CYB561D1: variants seen among roughly 807,000 people sequenced by gnomAD.
The protein encoded by CYB561D1 is probable transmembrane reductase CYB561D1.
In CYB561D1, 15 loss-of-function variants were observed where a neutral mutation model predicts 19.2. The ratio of observed to expected loss-of-function variants is 0.78; its 90% confidence interval spans 0.52 to 1.20. The LOEUF is 1.20. Among genes scored for constraint, CYB561D1 ranks in the 50% most tolerant of loss-of-function variants. The probability of loss-of-function intolerance (pLI) is 0.00; values close to 1 mark genes in which losing one functional copy is unlikely to be tolerated. For synonymous variants in CYB561D1, 133 were observed against 120.6 expected, an observed-to-expected ratio of 1.10 and a Z score of -0.68; for missense variants, 297 against 287.3, an observed-to-expected ratio of 1.03 and a Z score of -0.24.
rs1657520173 is a variant in CYB561D1 at position 109,495,920 on chromosome 1, C to T, written c.351C>T (p.Arg117=). 1 of 1,613,950 alleles carries T rather than the reference C, an allele frequency of 6.2e-7. No homozygotes were observed. ...GCTTCATCATCTCCAGCAGGACCCG[C>T]AGTGAGCTGCCTCATCTGGTGTCCT... ...GLGFIISSRT[R]SELPHLVSWH... is the part of the protein sequence containing the mutation. Residue 117 remains arginine, a synonymous_variant, in exon 3 of 3, where the codon CGC becomes CGT. Coordinates refer to ENST00000420578, the MANE Select transcript of CYB561D1 (RefSeq NM_182580.3).
Position 109,495,753 on chromosome 1 carries a change from C to T in CYB561D1, c.187-3C>T. On this transcript the variant is annotated splice_polypyrimidine_tract_variant and splice_region_variant and intron_variant, in intron 2 of 2. Coordinates refer to ENST00000420578, the MANE Select transcript of CYB561D1 (RefSeq NM_182580.3). ...GCTTACTGGCTCTCTCCTATGTTCA[C>T]AGTTCTGCCTCTGCATGGCTGAAGC... is the stretch of plus-strand genomic sequence containing the variant. 6.2e-7 allele frequency: 1 copy of T among 1,614,200 alleles called. No individual in the cohort carries two copies. Among genetic ancestry groups the T allele is most frequent in the Non-Finnish European group, 8.5e-7 (1 of 1,180,034 alleles).
rs148710208 is a variant in CYB561D1, at chr1:109,495,801, C to A, written c.232C>A (p.His78Asn). 6.2e-7 allele frequency: 1 copy of A among 1,614,042 alleles called. No individual in the cohort carries two copies. Among genetic ancestry groups the A allele is most frequent in the African/African-American group, 1.3e-5 (1 of 74,946 alleles). The change falls in exon 3 of 3, where the codon CAC (histidine) becomes AAC (asparagine). Residue 78 changes from histidine (H) to asparagine (N), a missense_variant. Transcript: ENST00000420578. Reference protein sequence around the residue: ...AEAILLFSPEHSLFFFCSRKA... With the variant: ...AEAILLFSPENSLFFFCSRKA... ...AGCCATCCTACTCTTCTCACCTGAA[C>A]ACTCCCTGTTCTTCTTCTGCTCCCG...
At position 109,496,426 on chromosome 1, in the gene CYB561D1, T is replaced by G. The variant is rs1239451155; in HGVS notation, c.*167T>G. Reference sequence around the variant, plus strand: ...TATTGTTGAGGAATAATTCAGTGGGTCAAAATGGGGAGATGTACTGGGTAT... The same window carrying G: ...TATTGTTGAGGAATAATTCAGTGGGGCAAAATGGGGAGATGTACTGGGTAT... On this transcript the variant is annotated 3_prime_UTR_variant, in exon 3 of 3. Coordinates refer to ENST00000420578, the MANE Select transcript of CYB561D1 (RefSeq NM_182580.3). The G allele has an allele frequency of 1.1e-5, 8 of 708,242 alleles. No individual in the cohort carries two copies. The highest frequency in any genetic ancestry group is 1.8e-5 in the Non-Finnish European group (8 of 455,164). 43.9% of individuals were successfully genotyped at this position (708,242 alleles called of 1,614,324 possible). A position where few individuals can be genotyped will look rare whatever the true frequency, so the allele number is the denominator to read the frequency against.
intron 1 of CYB561D1, 26 bp from the exon 2 acceptor site, chr1:109,495,117 C>T: frequency 6.2e-7 from 1 of 1,614,126 alleles, no homozygotes; most frequent in Non-Finnish European, 8.5e-7. Context: ...GTACCAAGCC[C>T]TCAGCCTGTT....
At position 109,498,831 on chromosome 1, in the gene CYB561D1, T is replaced by C. The variant is rs1657724194; in HGVS notation, c.*2572T>C. The C allele has an allele frequency of 6.9e-6, 1 of 144,612 alleles. No individual in the cohort carries two copies. Among genetic ancestry groups the C allele is most frequent in the Admixed American group, 6.9e-5 (1 of 14,566 alleles). 9.0% of individuals were successfully genotyped at this position (144,612 alleles called of 1,614,324 possible). ...CTCCCTGGCTAGGGAAAGCTGCTAG[T>C]GGTCAGCCTGTTTTGCCTTTTTTTA... On this transcript the variant is annotated 3_prime_UTR_variant, in exon 3 of 3. Coordinates refer to ENST00000420578, the MANE Select transcript of CYB561D1 (RefSeq NM_182580.3).
In CYB561D1 at chr1:109,496,365, C is replaced by G; in HGVS notation, c.*106C>G. The G allele has an allele frequency of 1.5e-6, 2 of 1,347,352 alleles. No individual in the cohort carries two copies. Among genetic ancestry groups the G allele is most frequent in the Non-Finnish European group, 2.0e-6 (2 of 995,796 alleles). 83.5% of individuals were successfully genotyped at this position (1,347,352 alleles called of 1,614,324 possible). On this transcript the variant is annotated 3_prime_UTR_variant, in exon 3 of 3. Transcript: ENST00000420578. ...AAGAAGTGGTCAGGTTTTCGCACTT[C>G]TTGGCTGGTCCAGGGACTGCAGAAA...
intron 1 of CYB561D1, 54 bp from the exon 2 acceptor site, chr1:109,495,089 A>G (rs1415211599): frequency 1.9e-6 from 3 of 1,599,090 alleles, no homozygotes. Context: ...CCACCTAGCT[A>G]CAGGGGCAGG....
At position 109,497,664 on chromosome 1, in the gene CYB561D1, A is replaced by G. The variant is rs979158816; in HGVS notation, c.*1405A>G. On this transcript the variant is annotated 3_prime_UTR_variant, in exon 3 of 3. Transcript: ENST00000420578. Reference sequence around the variant, plus strand: ...CTGCTGAGGCAAGTCGACATAGCTCACAGGGAACTCTGGGAAGCCTGGGAT... The same window carrying G: ...CTGCTGAGGCAAGTCGACATAGCTCGCAGGGAACTCTGGGAAGCCTGGGAT... 2.6e-5 allele frequency: 4 copies of G among 152,308 alleles called. No homozygotes were observed. The highest frequency in any genetic ancestry group is 9.7e-5 in the African/African-American group (4 of 41,450). 9.4% of individuals were successfully genotyped at this position (152,308 alleles called of 1,614,324 possible).
In CYB561D1 at chr1:109,496,257, T is replaced by G; in HGVS notation, c.688T>G (p.Ter230GlyextTer23). The change falls in exon 3 of 3, where the codon TGA (stop) becomes GGA (glycine). Residue 230 changes from the stop codon to glycine (G), a stop_lost. Transcript: ENST00000420578. ...SYLPRKKMEM[*>G] ...CTTGCCGAGGAAGAAAATGGAAATGTGAGTTCCTGCGAACGCTGAATCTAG... is the reference window on the plus strand; with the variant it reads ...CTTGCCGAGGAAGAAAATGGAAATGGGAGTTCCTGCGAACGCTGAATCTAG... 6.4e-7 allele frequency: 1 copy of G among 1,570,070 alleles called. No homozygotes were observed.
Position 109,495,768 on chromosome 1 carries a change from A to G in CYB561D1, c.199A>G (p.Met67Val), listed in dbSNP as rs1254630003. 6.2e-7 allele frequency: 1 copy of G among 1,614,096 alleles called. No homozygotes were observed. Among genetic ancestry groups the G allele is most frequent in the Admixed American group, 1.7e-5 (1 of 60,010 alleles). The change falls in exon 3 of 3, where the codon ATG becomes GTG. Residue 67 changes from methionine to valine, a missense_variant. By Grantham distance (21) the Met-to-Val change is conservative. Coordinates refer to ENST00000420578, the MANE Select transcript of CYB561D1 (RefSeq NM_182580.3). ...CCTATGTTCACAGTTCTGCCTCTGC[A>G]TGGCTGAAGCCATCCTACTCTTCTC... ...VFMALAFCLC[M>V]AEAILLFSPE... is the part of the protein sequence containing the mutation.
Position 109,496,024 on chromosome 1 carries a change from G to A in CYB561D1, c.455G>A (p.Arg152Gln), listed in dbSNP as rs149684652. ...TGTGGGCTCTGCCTCCTTTGTCCCC[G>A]GGCAGCCAGGGTCTCAAGGGTGGCT... Reference protein sequence around the residue: ...ALCGLCLLCPRAARVSRVARL... With the variant: ...ALCGLCLLCPQAARVSRVARL... The change falls in exon 3 of 3, where the codon CGG (arginine) becomes CAG (glutamine). Residue 152 changes from arginine (R) to glutamine (Q), a missense_variant. Coordinates refer to ENST00000420578, the MANE Select transcript of CYB561D1 (RefSeq NM_182580.3). 1.9e-5 allele frequency: 30 copies of A among 1,608,964 alleles called. No individual in the cohort carries two copies. Among genetic ancestry groups the A allele is most frequent in the Middle Eastern group, 1.7e-4 (1 of 6,048 alleles).
intron 1 of CYB561D1, among the ~76,000 whole-genome samples, chr1:109,494,836 C>CAAA (rs540062421): frequency 2.9e-5 from 4 of 136,048 alleles, no homozygotes; most frequent in African/African-American, 8.4e-5. Flanking sequence ...GACTCCGTAT[C>CAAA]AAAAAAAAAA....
At position 109,494,128 on chromosome 1, in the gene CYB561D1, C is replaced by T; in HGVS notation, c.-12C>T. The T allele has an allele frequency of 6.7e-7, 1 of 1,494,358 alleles. No individual in the cohort carries two copies. Among genetic ancestry groups the T allele is most frequent in the Non-Finnish European group, 9.0e-7 (1 of 1,116,794 alleles). The allele number at this position is 1,494,358 out of a possible 1,614,324, so 92.6% of individuals were successfully genotyped here. Reference sequence around the variant, plus strand: ...CGGGCAGCTGGAGTGTACGGGCCCGCGGGCCACGGCCATGCAGCCCCTGGA... The same window carrying T: ...CGGGCAGCTGGAGTGTACGGGCCCGTGGGCCACGGCCATGCAGCCCCTGGA... On this transcript the variant is annotated 5_prime_UTR_variant, in exon 1 of 3. Coordinates refer to ENST00000420578, the MANE Select transcript of CYB561D1 (RefSeq NM_182580.3).
Position 109,495,981 on chromosome 1 carries a change from A to G in CYB561D1, c.412A>G (p.Thr138Ala). The change falls in exon 3 of 3, where the codon ACT becomes GCT. Residue 138 changes from threonine to alanine, a missense_variant. Transcript: ENST00000420578. ...SWVGALTLLA[T>A]AVQALCGLCL... ...GGTGGGAGCCCTGACACTGCTGGCC[A>G]CTGCTGTCCAGGCACTGTGTGGGCT... The G allele has an allele frequency of 1.2e-6, 2 of 1,611,092 alleles. No individual in the cohort carries two copies. Among genetic ancestry groups the G allele is most frequent in the South Asian group, 2.2e-5 (2 of 90,864 alleles).
At position 109,497,953 on chromosome 1, in the gene CYB561D1, G is replaced by T. The variant is rs1000924584; in HGVS notation, c.*1694G>T. ...AAAGGAGGCCCCTGCTGTGCAGAGG[G>T]GTATTGTTCCTGTCTCTTTCATTGT... is the stretch of plus-strand genomic sequence containing the variant. On this transcript the variant is annotated 3_prime_UTR_variant, in exon 3 of 3. Coordinates refer to ENST00000420578, the MANE Select transcript of CYB561D1 (RefSeq NM_182580.3). The T allele has an allele frequency of 6.6e-6, 1 of 152,220 alleles. No homozygotes were observed. The highest frequency in any genetic ancestry group is 1.5e-5 in the Non-Finnish European group (1 of 68,086). 9.4% of individuals were successfully genotyped at this position (152,220 alleles called of 1,614,324 possible).
Position 109,494,352 on chromosome 1 carries a change from G to A in CYB561D1, c.148+65G>A. The A allele has an allele frequency of 2.6e-6, 4 of 1,518,880 alleles. No individual in the cohort carries two copies. The Admixed American group carries it at 8.4e-5, about 32-fold the overall frequency. 94.1% of individuals were successfully genotyped at this position (1,518,880 alleles called of 1,614,324 possible). ...GAGATGCTGGAGGGGCAGCGCTTGG[G>A]AGCCCCGGGAGACTTGGAGGAGGGA... On this transcript the variant is annotated intron_variant, in intron 1 of 2. Coordinates refer to ENST00000420578, the MANE Select transcript of CYB561D1 (RefSeq NM_182580.3).
Position 109,495,954 on chromosome 1 carries a change from T to G in CYB561D1, c.385T>G (p.Trp129Gly). 1 of 1,613,510 alleles carries G rather than the reference T, an allele frequency of 6.2e-7. No individual in the cohort carries two copies. The highest frequency in any genetic ancestry group is 8.5e-7 in the Non-Finnish European group (1 of 1,179,512). The change falls in exon 3 of 3, where the codon TGG (tryptophan) becomes GGG (glycine). Residue 129 changes from tryptophan to glycine, a missense_variant. By Grantham distance (184) the Trp-to-Gly change is radical. Transcript: ENST00000420578. ...GCCTCATCTGGTGTCCTGGCACAGC[T>G]GGGTGGGAGCCCTGACACTGCTGGC... The part of the protein sequence containing the change: ...ELPHLVSWHS[W>G]VGALTLLATA...
chr1:109,498,099 C>G lies in CYB561D1; in HGVS notation c.*1840C>G, dbSNP rs1045264260. The G allele has an allele frequency of 1.3e-5, 2 of 152,266 alleles. No individual in the cohort carries two copies. Among genetic ancestry groups the G allele is most frequent in the African/African-American group, 4.8e-5 (2 of 41,462 alleles). 9.4% of individuals were successfully genotyped at this position (152,266 alleles called of 1,614,324 possible). ...GGGACTGCATCTCCTCTTTCCTCAT[C>G]ACAGCCAGTGCTGAGAGGCTCCTTC... is the stretch of plus-strand genomic sequence containing the variant. On this transcript the variant is annotated 3_prime_UTR_variant, in exon 3 of 3. Transcript: ENST00000420578.
Position 109,496,334 on chromosome 1 carries a change from C to G in CYB561D1, c.*75C>G. 1 of 1,490,102 alleles carries G rather than the reference C, an allele frequency of 6.7e-7. No homozygotes were observed. The highest frequency in any genetic ancestry group is 9.0e-7 in the Non-Finnish European group (1 of 1,111,942). 92.3% of individuals were successfully genotyped at this position (1,490,102 alleles called of 1,614,324 possible). On this transcript the variant is annotated 3_prime_UTR_variant, in exon 3 of 3. Transcript: ENST00000420578. ...GTTCCTTTGGTGATCTATAAGGGAT[C>G]TATTTAAGAAGTGGTCAGGTTTTCG...
Sources: allele counts gnomAD v4.1 joint callset (sites outside exome capture counted in the v4.1 genomes callset), GRCh38; gene constraint gnomAD v4.1.1; transcripts MANE v1.5; gene names NCBI Gene and HGNC (gene_info 2026-07-23, HGNC 2026-07-21).